SMOC1: variants seen among roughly 807,000 people sequenced by gnomAD.
The protein encoded by SMOC1 is SPARC related modular calcium binding 1, also known as SPARC-related modular calcium-binding protein 1.
Under a neutral mutation model 56.3 loss-of-function variants are expected in SMOC1, and 22 were observed. The ratio of observed to expected loss-of-function variants is 0.39; its 90% CI spans 0.28 to 0.56. The LOEUF (loss-of-function observed/expected upper bound fraction) is 0.56, where lower values mean the gene tolerates loss of function less well. Ranked by LOEUF, SMOC1 falls within the 20% of genes least tolerant of loss-of-function variation. SMOC1 has a pLI of 0.61. For missense variants in SMOC1, 509 were observed against 565.4 expected, an observed-to-expected ratio of 0.90 and a Z score of 1.01; for synonymous variants, 193 against 215.0, an observed-to-expected ratio of 0.90 and a Z score of 0.89.
At chr14:69,991,755 T>C (rs1884575901) in intron 5 of SMOC1, among the ~76,000 whole-genome samples, 2 of 152,202 alleles carry the variant, frequency 1.3e-5, no homozygotes, top group Non-Finnish European at 2.9e-5. Flanking sequence ...TTGCTTGCCC[T>C]CCCTCTTATT....
rs1883081364 is a variant in SMOC1 at position 69,953,530 on chromosome 14, C to G, written c.376C>G (p.Gln126Glu). ...GTGTGGCGAGGATGGCTCCTTTACC[C>G]AGGTGAGGCCTCGGACAATCCTCTT... ...PECGEDGSFTQVQCHTYTGYC... is the reference protein window; with the variant it reads ...PECGEDGSFTEVQCHTYTGYC... Residue 126 changes from glutamine (Q) to glutamate (E), a missense_variant and splice_region_variant, in exon 3 of 12, where the codon CAG becomes GAG. Coordinates refer to ENST00000361956, the MANE Select transcript of SMOC1 (RefSeq NM_001034852.3). The G allele has an allele frequency of 6.2e-7, 1 of 1,613,326 alleles. No individual in the cohort carries two copies. Among genetic ancestry groups the G allele is most frequent in the South Asian group, 1.1e-5 (1 of 91,066 alleles).
chr14:70,018,913 C>G (rs971357446), intron 10 of SMOC1, among the ~76,000 whole-genome samples: 2 of 152,220 alleles, frequency 1.3e-5, no homozygotes, highest in Non-Finnish European at 1.5e-5. Flanking sequence ...GGACCCAACT[C>G]CAGACGGGGC....
At chr14:69,962,757 TG>T (rs1200112993) in intron 3 of SMOC1, among the ~76,000 whole-genome samples, 2 of 151,926 alleles carry the variant, frequency 1.3e-5, no homozygotes, top group East Asian at 3.9e-4. Context: ...TTGTGTTTTT[TG>T]TAGAGACGAT....
intron 6 of SMOC1, 33 bp downstream of exon 6, chr14:69,992,506 T>G: frequency 6.7e-7 from 1 of 1,502,482 alleles, no homozygotes; most frequent in South Asian, 1.1e-5. Flanking sequence ...ATGTTCATTC[T>G]CCCACTCATT....
chr14:69,914,667 A>C (rs934423130), intron 1 of SMOC1, among the ~76,000 whole-genome samples: 3 of 152,142 alleles, frequency 2.0e-5, no homozygotes, highest in African/African-American at 4.8e-5. Flanking sequence ...CAGTGACCAG[A>C]GATATCTGTC....
intron 1 of SMOC1, among the ~76,000 whole-genome samples, chr14:69,881,940 T>C (rs1334326230): frequency 6.6e-6 from 1 of 152,144 alleles, no homozygotes; most frequent in East Asian, 1.9e-4. Flanking sequence ...TTATATGGAT[T>C]GAAAAGTTGT....
At chr14:69,992,927 C>T (rs1371401785) in intron 6 of SMOC1, among the ~76,000 whole-genome samples, 1 of 152,138 alleles carries the variant, frequency 6.6e-6, no homozygotes, top group Non-Finnish European at 1.5e-5. Flanking sequence ...AGCTGCAACT[C>T]TTAGAGTGCT....
intron 1 of SMOC1, among the ~76,000 whole-genome samples, chr14:69,932,818 A>C (rs1442244430): frequency 1.3e-5 from 2 of 152,030 alleles, no homozygotes; most frequent in Non-Finnish European, 2.9e-5. Flanking sequence ...CAGCTCTGGC[A>C]GGGCTGGAAG....
intron 3 of SMOC1, among the ~76,000 whole-genome samples, chr14:69,959,587 C>T (rs1312143139): frequency 2.6e-5 from 4 of 152,122 alleles, no homozygotes; most frequent in African/African-American, 9.7e-5. Flanking sequence ...ACTACCACTT[C>T]TCCCATTTTC....
chr14:69,941,636 A>G (rs1363583248), intron 1 of SMOC1, among the ~76,000 whole-genome samples: 1 of 152,170 alleles, frequency 6.6e-6, no homozygotes, highest in Non-Finnish European at 1.5e-5. Context: ...ATTGGCTTTC[A>G]GTTTTTTAAC....
At chr14:69,882,390 C>A (rs573672138) in intron 1 of SMOC1, among the ~76,000 whole-genome samples, 40 of 152,162 alleles carry the variant, frequency 2.6e-4, no homozygotes, top group Non-Finnish European at 4.4e-4. Context: ...ATTGAGCTCC[C>A]CCGAGGCCTA....
intron 2 of SMOC1, among the ~76,000 whole-genome samples, chr14:69,953,167 C>T (rs1177073361): frequency 6.6e-6 from 1 of 151,688 alleles, no homozygotes; most frequent in East Asian, 1.9e-4. Context: ...TTCTATGGGG[C>T]CAGGGTAGAG....
At chr14:69,973,793 C>A (rs901632894) in intron 3 of SMOC1, among the ~76,000 whole-genome samples, 1 of 152,192 alleles carries the variant, frequency 6.6e-6, no homozygotes, top group African/African-American at 2.4e-5. Flanking sequence ...CTTTCTACAG[C>A]TTTTCTGCCT....
At chr14:69,973,733 C>T (rs952577534) in intron 3 of SMOC1, among the ~76,000 whole-genome samples, 2 of 152,190 alleles carry the variant, frequency 1.3e-5, no homozygotes, top group African/African-American at 2.4e-5. Context: ...AGCGAAACAA[C>T]TTGTCTTGGG....
chr14:69,935,044 C>A (rs1885261194), intron 1 of SMOC1, among the ~76,000 whole-genome samples: 1 of 152,226 alleles, frequency 6.6e-6, no homozygotes, highest in African/African-American at 2.4e-5. Flanking sequence ...ACTATGACTT[C>A]TTCCTCTCTA....
chr14:70,023,549 T>C (rs908522843), intron 11 of SMOC1, 102 bp downstream of exon 11: 4 of 1,490,566 alleles, frequency 2.7e-6, no homozygotes, highest in Non-Finnish European at 3.7e-6. Flanking sequence ...ACTCATCTAT[T>C]CATCAATTAT....
chr14:69,883,889 A>ATTTTTT lies in SMOC1; in HGVS notation c.99+4135_99+4140dup, dbSNP rs34300667. On this transcript the variant is annotated intron_variant, in intron 1 of 11. Coordinates refer to ENST00000361956, the MANE Select transcript of SMOC1 (RefSeq NM_001034852.3). Reference sequence around the variant, plus strand: ...TCCCTGATGATTAGTGATGTTGAGCATTTTTTTTTTTTTTTTTTTTTTTTT... The same window carrying ATTTTTT: ...TCCCTGATGATTAGTGATGTTGAGCATTTTTTTTTTTTTTTTTTTTTTTTTTTTTTT... 6.5e-3 allele frequency among the ~76,000 whole-genome samples: 431 copies of ATTTTTT among 66,630 alleles called. 109 individuals carry two copies. Among genetic ancestry groups the ATTTTTT allele is most frequent in the African/African-American group, 8.9e-3 (128 of 14,326 alleles). The allele number at this position is 66,630 out of a possible 152,430, so 43.7% of individuals were successfully genotyped here.
intron 3 of SMOC1, among the ~76,000 whole-genome samples, chr14:69,958,977 T>G (rs890495368): frequency 3.9e-5 from 6 of 152,166 alleles, no homozygotes; most frequent in African/African-American, 1.2e-4. Flanking sequence ...GCTATACACA[T>G]TCTGTTAAAA....
chr14:69,955,652 A>C (rs1883156984), intron 3 of SMOC1, among the ~76,000 whole-genome samples: 1 of 151,930 alleles, frequency 6.6e-6, no homozygotes, highest in Non-Finnish European at 1.5e-5. Context: ...TACTACTGAA[A>C]TCTTTCTATC....
Sources: gnomAD v4.1 joint callset for allele counts (sites outside exome capture counted in the v4.1 genomes callset) on GRCh38, gnomAD v4.1.1 for gene constraint, MANE v1.5 for transcripts, NCBI Gene and HGNC (gene_info 2026-07-23, HGNC 2026-07-21) for gene names.